Variants in RASGEF1A observed in about 807,000 individuals in gnomAD.
RASGEF1A encodes ras-GEF domain-containing family member 1A.
In RASGEF1A, 18 loss-of-function variants were observed where a neutral mutation model predicts 56.4. The ratio of observed to expected loss-of-function variants is 0.32; its 90% CI spans 0.22 to 0.47. The LOEUF (loss-of-function observed/expected upper bound fraction) is 0.47, where lower values mean the gene tolerates loss of function less well. Ranked by LOEUF, RASGEF1A falls within the 20% of genes least tolerant of loss-of-function variation. The pLI, the probability that RASGEF1A is intolerant of heterozygous loss-of-function variation, is 1.00. For missense variants in RASGEF1A, 422 were observed against 627.1 expected (o/e 0.67, Z 3.49); for synonymous variants, 245 against 242.6 (o/e 1.01, Z -0.09).
chr10:43,253,194 C>T (rs1188823157), intron 1 of RASGEF1A, among the ~76,000 whole-genome samples: 1 of 152,202 alleles, frequency 6.6e-6, no homozygotes, highest in Non-Finnish European at 1.5e-5. Context: ...CACCCCACAC[C>T]CCCCACCACC....
chr10:43,262,987 A>G (rs896865862), intron 1 of RASGEF1A, among the ~76,000 whole-genome samples: 10 of 152,264 alleles, frequency 6.6e-5, no homozygotes, highest in African/African-American at 2.4e-4. Flanking sequence ...CCAGCTGCCT[A>G]CCTGCTCAGA....
intron 2 of RASGEF1A, chr10:43,203,706 C>G: frequency 1.7e-6 from 2 of 1,178,164 alleles, no homozygotes; most frequent in Non-Finnish European, 2.1e-6. Flanking sequence ...CTGCCCCACG[C>G]CACCATAGGG....
intron 8 of RASGEF1A, 33 bp from the exon 9 acceptor site, chr10:43,199,045 G>A: frequency 1.9e-6 from 3 of 1,600,888 alleles, no homozygotes; most frequent in Non-Finnish European, 2.6e-6. Context: ...TCAGGGCCGG[G>A]GGGGTGGGCC....
chr10:43,206,785 G>A, intron 1 of RASGEF1A: 1 of 986,132 alleles, frequency 1.0e-6, no homozygotes, highest in Non-Finnish European at 1.2e-6. Flanking sequence ...ACATGGTGAA[G>A]GTCTTGGGCC....
chr10:43,198,231 C>A, intron 9 of RASGEF1A, 36 bp from the exon 10 acceptor site: 2 of 1,557,804 alleles, frequency 1.3e-6, no homozygotes, highest in Non-Finnish European at 1.8e-6. Context: ...AGCATCACAG[C>A]CCCATGCCCC....
intron 3 of RASGEF1A, chr10:43,202,697 G>A (rs1367583532): frequency 2.9e-6 from 1 of 348,186 alleles, no homozygotes; most frequent in Admixed American, 3.2e-5. Flanking sequence ...CGCCCACGCC[G>A]CACAGCCTCC....
At chr10:43,253,277 C>A (rs565577074) in intron 1 of RASGEF1A, among the ~76,000 whole-genome samples, 23 of 152,336 alleles carry the variant, frequency 1.5e-4, no homozygotes, top group African/African-American at 5.5e-4. Context: ...CCTTGTAGCT[C>A]CCCAGACTGT....
At chr10:43,258,724 G>T (rs1836473537) in intron 1 of RASGEF1A, among the ~76,000 whole-genome samples, 1 of 152,180 alleles carries the variant, frequency 6.6e-6, no homozygotes, top group Admixed American at 6.5e-5. Context: ...TCTCCTCTTT[G>T]TGCCACCCAC....
chr10:43,205,472 C>G (rs527367043), intron 2 of RASGEF1A, among the ~76,000 whole-genome samples: 2 of 152,140 alleles, frequency 1.3e-5, no homozygotes, highest in Non-Finnish European at 2.9e-5. Context: ...CCTCTTCATT[C>G]TGGACCACCA....
At chr10:43,225,437 ATG>A (rs1840265519) in intron 1 of RASGEF1A, among the ~76,000 whole-genome samples, 3 of 123,352 alleles carry the variant, frequency 2.4e-5, no homozygotes, top group Admixed American at 8.1e-5. Context: ...GTGTCTCTGT[ATG>A]TGTCTGTGTT....
At chr10:43,254,358 G>A (rs556919538) in intron 1 of RASGEF1A, among the ~76,000 whole-genome samples, 1 of 152,334 alleles carries the variant, frequency 6.6e-6, no homozygotes, top group African/African-American at 2.4e-5. Context: ...CCTTAGATCT[G>A]TGTGGTGGGG....
chr10:43,202,542 T>C, intron 3 of RASGEF1A: 1 of 451,694 alleles, frequency 2.2e-6, no homozygotes, highest in Non-Finnish European at 4.5e-6. Context: ...CGCGCCCCCA[T>C]CCTCCAATCC....
chr10:43,208,516 ATGCAGGGG>A, intron 1 of RASGEF1A: 1 of 985,794 alleles, frequency 1.0e-6, no homozygotes, highest in Non-Finnish European at 1.2e-6. Flanking sequence ...GAGGAGGAGC[ATGCAGGGG>A]TGTCCCAGGC....
chr10:43,195,078 A>C lies in RASGEF1A; in HGVS notation c.*1166T>G, dbSNP rs1020960684. ...ATCAAGGCTCCTGCGGAAACTGGGA[A>C]TGCAGAGGGACAAGGATGCGGAGTT... On this transcript the variant is annotated 3_prime_UTR_variant, in exon 13 of 13. Transcript: ENST00000395810. This position sits in a 1 kb window ranked among gnomAD's most constrained non-coding sequence, Gnocchi z 4.2. 3 of 686 alleles carry C rather than the reference A, an allele frequency of 4.4e-3. No homozygotes were observed. Among genetic ancestry groups the C allele is most frequent in the African/African-American group, 6.2e-3 (3 of 484 alleles). The allele number at this position is 686 out of a possible 1,614,324, so 0.0% of individuals were successfully genotyped here.
intron 1 of RASGEF1A, among the ~76,000 whole-genome samples, chr10:43,259,727 G>A (rs1462937785): frequency 6.6e-6 from 1 of 152,212 alleles, no homozygotes; most frequent in Non-Finnish European, 1.5e-5. Context: ...TGCCACCGCT[G>A]CACGTTCAGG....
intron 1 of RASGEF1A, among the ~76,000 whole-genome samples, chr10:43,223,902 T>C (rs1029884294): frequency 6.6e-6 from 1 of 152,054 alleles, no homozygotes; most frequent in Middle Eastern, 3.2e-3. Context: ...GAAAAATACA[T>C]TGGGCATGAA....
rs79989735 is a variant in RASGEF1A at position 43,262,548 on chromosome 10, G to A, written c.-7+4297C>T. ...CTGCCACACCATGCACGGTGGCTCA[G>A]GCACTTCCATGCACCTCCCACGGAT... On this transcript the variant is annotated intron_variant, in intron 1 of 12. Transcript: ENST00000395810. Among the ~76,000 whole-genome samples the A allele has an allele frequency of 2.9e-3, 443 of 152,364 alleles. 1 individual carries two copies. Among genetic ancestry groups the A allele is most frequent in the African/African-American group, 0.01 (431 of 41,586 alleles).
At chr10:43,236,888 G>A (rs2505547) in intron 1 of RASGEF1A, among the ~76,000 whole-genome samples, 38,412 of 152,026 alleles carry the variant, frequency 0.25, 5,258 homozygotes, top group Non-Finnish European at 0.3. Context: ...AGGGGGGGAT[G>A]CTTAGGACCA....
chr10:43,235,476 A>G (rs2503847), intron 1 of RASGEF1A, among the ~76,000 whole-genome samples: 148,391 of 152,320 alleles, frequency 0.97, 72,403 homozygotes, highest in East Asian at 1. Context: ...CAGGGTTTCA[A>G]CAATGCAGCA....
Sources: allele counts gnomAD v4.1 joint callset (sites outside exome capture counted in the v4.1 genomes callset), GRCh38; gene constraint gnomAD v4.1.1; non-coding constraint Gnocchi (gnomAD v3.1); transcripts MANE v1.5; gene names NCBI Gene and HGNC (gene_info 2026-07-23, HGNC 2026-07-21).